The following PELI2 variants were observed in gnomAD, a reference collection of about 807,000 sequenced individuals.
PELI2 encodes the protein E3 ubiquitin-protein ligase pellino homolog 2.
In PELI2, 23 loss-of-function variants were observed where a neutral mutation model predicts 42.3. That is an observed-to-expected ratio of 0.54 (90% CI 0.39 to 0.77). PELI2 has a LOEUF of 0.77. PELI2 is among the 30% of genes least tolerant of loss of function. The pLI, the probability that PELI2 is intolerant of heterozygous loss-of-function variation, is 0.00. For missense variants in PELI2, 463 were observed against 553.2 expected, an observed-to-expected ratio of 0.84 and a Z score of 1.64; for synonymous variants, 245 against 212.2, an observed-to-expected ratio of 1.15 and a Z score of -1.34.
At chr14:56,283,792 A>C (rs1195046991) in intron 3 of PELI2, among the ~76,000 whole-genome samples, 1 of 152,208 alleles carries the variant, frequency 6.6e-6, no homozygotes, top group Non-Finnish European at 1.5e-5. Flanking sequence ...ATGTTTCTTA[A>C]GGAAATATAA....
intron 1 of PELI2, among the ~76,000 whole-genome samples, chr14:56,121,756 A>G (rs917639613): frequency 2.0e-5 from 3 of 152,022 alleles, no homozygotes; most frequent in Non-Finnish European, 4.4e-5. Flanking sequence ...TTCTTTATCA[A>G]TTTGCAAAAT....
At chr14:56,216,068 G>A (rs1335446096) in intron 2 of PELI2, among the ~76,000 whole-genome samples, 2 of 152,154 alleles carry the variant, frequency 1.3e-5, no homozygotes, top group Non-Finnish European at 2.9e-5. Flanking sequence ...AGCTTTCAAG[G>A]TAGCATTTAA....
intron 2 of PELI2, among the ~76,000 whole-genome samples, chr14:56,236,248 T>C (rs1333170997): frequency 6.6e-6 from 1 of 152,252 alleles, no homozygotes; most frequent in Non-Finnish European, 1.5e-5. Flanking sequence ...GTGTATATAC[T>C]GGTACCCACA....
chr14:56,161,175 G>A (rs1884749855), intron 1 of PELI2, among the ~76,000 whole-genome samples: 1 of 152,154 alleles, frequency 6.6e-6, no homozygotes, highest in Non-Finnish European at 1.5e-5. Context: ...GCCCCTCAAA[G>A]ACATCAGAGT....
rs1890045043 is a variant in PELI2 at position 56,297,367 on chromosome 14, C to T, written c.*201C>T. ...TGTTGCATGCTCAAAACAGCAGCGT[C>T]GTCATTGAAGTCTGCTTGATTAAAC... On this transcript the variant is annotated 3_prime_UTR_variant, in exon 6 of 6. Coordinates refer to ENST00000267460, the MANE Select transcript of PELI2 (RefSeq NM_021255.3). 1.1e-5 allele frequency: 6 copies of T among 522,268 alleles called. No individual in the cohort carries two copies. The highest frequency in any genetic ancestry group is 3.4e-5 in the South Asian group (1 of 29,254). The allele number at this position is 522,268 out of a possible 1,614,324, so 32.4% of individuals were successfully genotyped here.
intron 2 of PELI2, among the ~76,000 whole-genome samples, chr14:56,208,805 C>T (rs150983541): frequency 6.6e-6 from 1 of 152,252 alleles, no homozygotes; most frequent in African/African-American, 2.4e-5. Context: ...CTGAACTCAC[C>T]ACTTTCATAG....
At chr14:56,270,354 G>A (rs894772544) in intron 2 of PELI2, among the ~76,000 whole-genome samples, 3 of 152,128 alleles carry the variant, frequency 2.0e-5, no homozygotes, top group African/African-American at 2.4e-5. Context: ...TTCATGCAAC[G>A]TAAATTGTGA....
rs377013467 is a variant in PELI2, at chr14:56,162,272, T to C, written c.78-16063T>C. ...ACCATCCCTACCTTCCTCTTGGCCT[T>C]CCCAGCCACTGGTGACCATCTTTCT... On this transcript the variant is annotated intron_variant, in intron 1 of 5. Coordinates refer to ENST00000267460, the MANE Select transcript of PELI2 (RefSeq NM_021255.3). Among the ~76,000 whole-genome samples the C allele has an allele frequency of 3.3e-4, 50 of 152,290 alleles. No homozygotes were observed. The South Asian group carries it at 0.01, about 32-fold the overall frequency.
chr14:56,214,825 C>T (rs1886840688), intron 2 of PELI2, among the ~76,000 whole-genome samples: 1 of 152,196 alleles, frequency 6.6e-6, no homozygotes, highest in Non-Finnish European at 1.5e-5. Context: ...TAGGCTAAGA[C>T]AGCTCATAGC....
chr14:56,142,849 C>G (rs1883967467), intron 1 of PELI2, among the ~76,000 whole-genome samples: 1 of 151,992 alleles, frequency 6.6e-6, no homozygotes, highest in Non-Finnish European at 1.5e-5. Flanking sequence ...TAAACTACAG[C>G]TTTTTTTCTT....
chr14:56,140,426 CAAT>C (rs1397594296), intron 1 of PELI2, among the ~76,000 whole-genome samples: 1 of 152,178 alleles, frequency 6.6e-6, no homozygotes, highest in African/African-American at 2.4e-5. Context: ...GTAGATACAA[CAAT>C]AATGTCTCCT....
chr14:56,164,885 T>C (rs916948247), intron 1 of PELI2, among the ~76,000 whole-genome samples: 4 of 152,168 alleles, frequency 2.6e-5, no homozygotes, highest in Non-Finnish European at 5.9e-5. Context: ...AGTTGTAATG[T>C]CTTCTTTTTC....
Position 56,245,264 on chromosome 14 carries a change from A to G in PELI2, c.208-34412A>G, listed in dbSNP as rs1006205903. On this transcript the variant is annotated intron_variant, in intron 2 of 5. Coordinates refer to ENST00000267460, the MANE Select transcript of PELI2 (RefSeq NM_021255.3). ...CAGTCTGTACAGTGCATGAGTTGTG[A>G]TTTTCTAATTGATGTTAATGAAAAT... Among the ~76,000 whole-genome samples, 7 of 152,284 alleles carry G rather than the reference A, an allele frequency of 4.6e-5. No individual in the cohort carries two copies. The East Asian group carries it at 1.3e-3, about 29-fold the overall frequency.
rs12879637 is a variant in PELI2, at chr14:56,219,521, G to A, written c.207+41057G>A. Among the ~76,000 whole-genome samples, 60,536 of 151,700 alleles carry A rather than the reference G, an allele frequency of 0.4. 12,875 individuals are homozygous for A. Among genetic ancestry groups the A allele is most frequent in the South Asian group, 0.53 (2,572 of 4,816 alleles). On this transcript the variant is annotated intron_variant, in intron 2 of 5. Coordinates refer to ENST00000267460, the MANE Select transcript of PELI2 (RefSeq NM_021255.3). This position sits in a 1 kb window ranked among gnomAD's most constrained non-coding sequence, Gnocchi z 4.1. ...CAGTCATAGCTCTCTCATCTGAGCA[G>A]CCTCTCCCTCAATCTTACAAACAGT...
At chr14:56,133,084 A>G (rs1018098111) in intron 1 of PELI2, among the ~76,000 whole-genome samples, 1 of 152,138 alleles carries the variant, frequency 6.6e-6, no homozygotes, top group Non-Finnish European at 1.5e-5. Flanking sequence ...TCTTTAATCC[A>G]TGATGCTAAT....
intron 2 of PELI2, among the ~76,000 whole-genome samples, chr14:56,193,985 CTT>C (rs1428773429): frequency 6.6e-6 from 1 of 152,076 alleles, no homozygotes. Context: ...GCCTTGAGCT[CTT>C]GTTAATTTTT....
chr14:56,165,959 C>G (rs527305200), intron 1 of PELI2, among the ~76,000 whole-genome samples: 1 of 152,086 alleles, frequency 6.6e-6, no homozygotes, highest in East Asian at 1.9e-4. Flanking sequence ...ATCAATGGGT[C>G]TTTACATTAA....
chr14:56,245,985 C>T (rs1478636251), intron 2 of PELI2, among the ~76,000 whole-genome samples: 1 of 152,140 alleles, frequency 6.6e-6, no homozygotes, highest in Non-Finnish European at 1.5e-5. Context: ...ACCAGTCCAC[C>T]ATGGACATTG....
intron 1 of PELI2, among the ~76,000 whole-genome samples, chr14:56,172,459 G>T (rs1410508007): frequency 1.3e-5 from 2 of 152,186 alleles, no homozygotes; most frequent in East Asian, 3.8e-4. Flanking sequence ...AGGGAGAGGG[G>T]AGTTAGACTC....
Sources: allele counts gnomAD v4.1 joint callset (sites outside exome capture counted in the v4.1 genomes callset), GRCh38; gene constraint gnomAD v4.1.1; non-coding constraint Gnocchi (gnomAD v3.1); transcripts MANE v1.5; gene names NCBI Gene and HGNC (gene_info 2026-07-23, HGNC 2026-07-21).